The following ASMT variants were observed in gnomAD, a reference collection of about 807,000 sequenced individuals.
ASMT encodes the protein acetylserotonin O-methyltransferase.
Under a neutral mutation model 41.3 loss-of-function variants are expected in ASMT, and 53 were observed. The ratio of observed to expected loss-of-function variants is 1.28; its 90% CI spans 1.03 to 1.61. The LOEUF (loss-of-function observed/expected upper bound fraction) is 1.61, where lower values mean the gene tolerates loss of function less well. Among genes scored for constraint, ASMT ranks in the 40% most tolerant of loss-of-function variants. The pLI, the probability that ASMT is intolerant of heterozygous loss-of-function variation, is 0.00. For missense variants in ASMT, 531 were observed against 441.3 expected, an observed-to-expected ratio of 1.20 and a Z score of -1.82; for synonymous variants, 231 against 184.8, an observed-to-expected ratio of 1.25 and a Z score of -2.03.
At chrX:1,615,788 C>T (rs185593218) in intron 1 of ASMT, among the ~76,000 whole-genome samples, 2,516 of 150,192 alleles carry the variant, frequency 0.017, 38 homozygotes, top group Non-Finnish European at 0.023. Context: ...GGGGACACAG[C>T]AAGACTCTGT....
chrX:1,616,764 A>T (rs1200157097), intron 1 of ASMT, among the ~76,000 whole-genome samples: 2 of 149,172 alleles, frequency 1.3e-5, no homozygotes, highest in Non-Finnish European at 3.0e-5. Context: ...GCTGGAGTGC[A>T]ATGGCACGAT....
chrX:1,636,502 C>T lies in ASMT; in HGVS notation c.852C>T (p.Asp284=). 1 of 1,613,952 alleles carries T rather than the reference C, an allele frequency of 6.2e-7. No individual in the cohort carries two copies. Among genetic ancestry groups the T allele is most frequent in the Non-Finnish European group, 8.5e-7 (1 of 1,179,880 alleles). ...ACATCCTGGCCAGGGTCCTCCATGA[C>T]TGGGCAGACGGAAAGTGCTCACACC... ...DLYILARVLH[D]WADGKCSHLL... Residue 284 remains aspartate, a synonymous_variant, in exon 8 of 9, where the codon GAC becomes GAT. Transcript: ENST00000381241.
rs745727836 is a variant in ASMT, at chrX:1,619,549, TATAATAATAATAATA to T, written c.70-3564_70-3550del. ...TGCACATGTACCCCAGAACTTAAAGTATAATAATAATAATAATAATAATAATAATAATAATAATAA... is the reference window on the plus strand; with the variant it reads ...TGCACATGTACCCCAGAACTTAAAGTATAATAATAATAATAATAATAATAA... On this transcript the variant is annotated intron_variant, in intron 1 of 8. Coordinates refer to ENST00000381241, the MANE Select transcript of ASMT (RefSeq NM_001171038.2). 3.2e-4 allele frequency among the ~76,000 whole-genome samples: 42 copies of T among 129,830 alleles called. No homozygotes were observed. The South Asian group carries it at 3.6e-3, about 11-fold the overall frequency. The allele number at this position is 129,830 out of a possible 152,430, so 85.2% of individuals were successfully genotyped here.
chrX:1,629,813 C>A lies in ASMT; in HGVS notation c.444-8C>A, dbSNP rs1353908716. 6.2e-7 allele frequency: 1 copy of A among 1,613,534 alleles called. No homozygotes were observed. Among genetic ancestry groups the A allele is most frequent in the Non-Finnish European group, 8.5e-7 (1 of 1,179,620 alleles). On this transcript the variant is annotated splice_region_variant and splice_polypyrimidine_tract_variant and intron_variant, in intron 4 of 8. Coordinates refer to ENST00000381241, the MANE Select transcript of ASMT (RefSeq NM_001171038.2). ...CACCATCTTGACAAGCGTGGTTTTG[C>A]ATGCCAGGTCCGAGGGCGAGCGGCT...
chrX:1,625,067 G>A (rs1196137731), intron 3 of ASMT, among the ~76,000 whole-genome samples: 3 of 151,966 alleles, frequency 2.0e-5, no homozygotes, highest in African/African-American at 7.2e-5. Flanking sequence ...GGAGGTGAAA[G>A]GGAAGGTTTC....
chrX:1,629,024 T>A (rs113568514), intron 4 of ASMT, among the ~76,000 whole-genome samples: 1 of 148,010 alleles, frequency 6.8e-6, no homozygotes, highest in Non-Finnish European at 1.5e-5. Context: ...CCTTCCTTCC[T>A]TCCCTCCCTC....
In ASMT at chrX:1,620,837, C is replaced by G. The variant is rs185129072; in HGVS notation, c.70-2302C>G. On this transcript the variant is annotated intron_variant, in intron 1 of 8. Transcript: ENST00000381241. Reference sequence around the variant, plus strand: ...CTGGGAGGTGGAGGTTGCCGTGAGGCGTGATCGTGCCACTGCACTCCAGCC... The same window carrying G: ...CTGGGAGGTGGAGGTTGCCGTGAGGGGTGATCGTGCCACTGCACTCCAGCC... Among the ~76,000 whole-genome samples the G allele has an allele frequency of 7.0e-4, 106 of 151,970 alleles. No individual in the cohort carries two copies. The East Asian group carries it at 0.02, about 28-fold the overall frequency.
chrX:1,623,223 G>C lies in ASMT; in HGVS notation c.154G>C (p.Gly52Arg). Residue 52 changes from glycine (G) to arginine (R), a missense_variant, in exon 2 of 9, where the codon GGT becomes CGT. By Grantham distance (125) the Gly-to-Arg change is moderately radical. Transcript: ENST00000381241. ...GPLDVAAVAA[G>R]VRASAHGTEL... Reference sequence around the variant, plus strand: ...CCTGGACGTGGCGGCAGTGGCTGCAGGTGTGAGGGCCAGCGCCCATGGGAC... The same window carrying C: ...CCTGGACGTGGCGGCAGTGGCTGCACGTGTGAGGGCCAGCGCCCATGGGAC... 4 of 1,613,720 alleles carry C rather than the reference G, an allele frequency of 2.5e-6. No homozygotes were observed. Among genetic ancestry groups the C allele is most frequent in the Non-Finnish European group, 3.4e-6 (4 of 1,179,864 alleles).
Position 1,627,634 on chromosome X carries a change from G to A in ASMT, c.375-69G>A, listed in dbSNP as rs1934602023. On this transcript the variant is annotated intron_variant, in intron 3 of 8. Transcript: ENST00000381241. The stretch of plus-strand genomic sequence containing the variant: ...GAAATGAAATGAAACGAAATGAAAC[G>A]AAATGAAATGAAATGAAATGAAATG... 20 of 372,040 alleles carry A rather than the reference G, an allele frequency of 5.4e-5. No individual in the cohort carries two copies. In the Middle Eastern group the frequency reaches 2.1e-3, roughly 39 times the overall value. 23.0% of individuals were successfully genotyped at this position (372,040 alleles called of 1,614,324 possible).
intron 7 of ASMT, 36 bp from the exon 8 acceptor site, chrX:1,636,402 G>A (rs377459843): frequency 5.1e-5 from 83 of 1,613,798 alleles, no homozygotes; most frequent in Non-Finnish European, 6.7e-5. Flanking sequence ...GGATTGGATT[G>A]CAGGCTGACC....
At chrX:1,627,794 C>T (rs1374088440) in intron 4 of ASMT, 23 bp downstream of exon 4, 1 of 1,607,286 alleles carries the variant, frequency 6.2e-7, no homozygotes. Context: ...ACTTTGAAAC[C>T]AACAACTCAG....
At chrX:1,622,413 C>T (rs1317715299) in intron 1 of ASMT, among the ~76,000 whole-genome samples, 1 of 150,870 alleles carries the variant, frequency 6.6e-6, no homozygotes, top group East Asian at 2.0e-4. Context: ...GCCTCAGCCT[C>T]CCAAGTAGTT....
In ASMT at chrX:1,623,424, G is replaced by A. The variant is rs192312502; in HGVS notation, c.244+111G>A. 64 of 1,364,908 alleles carry A rather than the reference G, an allele frequency of 4.7e-5. No individual in the cohort carries two copies. In the African/African-American group the frequency reaches 7.0e-4, roughly 15 times the overall value. 84.5% of individuals were successfully genotyped at this position (1,364,908 alleles called of 1,614,324 possible). On this transcript the variant is annotated intron_variant, in intron 2 of 8. Coordinates refer to ENST00000381241, the MANE Select transcript of ASMT (RefSeq NM_001171038.2). Reference sequence around the variant, plus strand: ...ATCCTGGCTCACACAGTGAAACCCCGTCTCTACTAAAAAAAATACAAAAAA... The same window carrying A: ...ATCCTGGCTCACACAGTGAAACCCCATCTCTACTAAAAAAAATACAAAAAA...
At chrX:1,616,363 G>C (rs1232769888) in intron 1 of ASMT, among the ~76,000 whole-genome samples, 1 of 151,312 alleles carries the variant, frequency 6.6e-6, no homozygotes, top group East Asian at 1.9e-4. Flanking sequence ...GCCCCATATG[G>C]TATGACTTCA....
Position 1,629,747 on chromosome X carries a change from G to C in ASMT, c.444-74G>C, listed in dbSNP as rs1934698525. The C allele has an allele frequency of 6.6e-5, 89 of 1,350,126 alleles. No individual in the cohort carries two copies. In the South Asian group the frequency reaches 9.3e-4, roughly 14 times the overall value. The allele number at this position is 1,350,126 out of a possible 1,614,324, so 83.6% of individuals were successfully genotyped here. A position where few individuals can be genotyped will look rare whatever the true frequency, so the allele number is the denominator to read the frequency against. ...GGGGTATAGCTCCGTTCTCAACAGGGGGTTATGTACACCCTTGCTCTGGGC... is the reference window on the plus strand; with the variant it reads ...GGGGTATAGCTCCGTTCTCAACAGGCGGTTATGTACACCCTTGCTCTGGGC... On this transcript the variant is annotated intron_variant, in intron 4 of 8. Coordinates refer to ENST00000381241, the MANE Select transcript of ASMT (RefSeq NM_001171038.2).
intron 1 of ASMT, among the ~76,000 whole-genome samples, chrX:1,615,679 A>G (rs1374965466): frequency 3.3e-5 from 5 of 151,960 alleles, no homozygotes; most frequent in Admixed American, 6.6e-5. Flanking sequence ...GTACATGCCT[A>G]TAATCCCAGC....
intron 3 of ASMT, among the ~76,000 whole-genome samples, chrX:1,627,245 G>A (rs1453313216): frequency 6.6e-6 from 1 of 150,698 alleles, no homozygotes; most frequent in East Asian, 1.9e-4. Flanking sequence ...AAAATCGCTT[G>A]AACCCGGGAG....
intron 3 of ASMT, among the ~76,000 whole-genome samples, chrX:1,625,151 G>C (rs113099970): frequency 2.7e-5 from 4 of 149,138 alleles, no homozygotes; most frequent in Non-Finnish European, 4.4e-5. Flanking sequence ...GTCACCCAGG[G>C]TGGAGCGCAG....
At chrX:1,636,893 T>C (rs182319330) in intron 8 of ASMT, among the ~76,000 whole-genome samples, 3,104 of 143,430 alleles carry the variant, frequency 0.022, 92 homozygotes, top group African/African-American at 0.072. Context: ...TGATGGTTCA[T>C]GAGGATGTGG....
Sources: allele counts gnomAD v4.1 joint callset (sites outside exome capture counted in the v4.1 genomes callset), GRCh38; gene constraint gnomAD v4.1.1; transcripts MANE v1.5; gene names NCBI Gene and HGNC (gene_info 2026-07-23, HGNC 2026-07-21).